Variants in PRDM16 observed in about 807,000 individuals in gnomAD.
The protein encoded by PRDM16 is histone-lysine N-methyltransferase PRDM16.
In PRDM16, 23 loss-of-function variants were observed where a neutral mutation model predicts 110.6. The ratio of observed to expected loss-of-function variants is 0.21; its 90% CI spans 0.15 to 0.29. The LOEUF is 0.29. Among genes scored for constraint, PRDM16 ranks in the 10% least tolerant of loss-of-function variants. PRDM16 has a pLI of 1.00. For synonymous variants in PRDM16, 799 were observed against 781.8 expected (o/e 1.02, Z -0.37); for missense variants, 1,615 against 1,794.3 (o/e 0.90, Z 1.81).
chr1:3,371,061 C>T (rs1459809677), intron 3 of PRDM16, among the ~76,000 whole-genome samples: 1 of 151,614 alleles, frequency 6.6e-6, no homozygotes, highest in Non-Finnish European at 1.5e-5. Flanking sequence ...TCCACCCACC[C>T]ATCCACCATC....
intron 1 of PRDM16, among the ~76,000 whole-genome samples, chr1:3,181,157 T>TAC (rs1283718823): frequency 4.8e-4 from 58 of 121,622 alleles, no homozygotes; most frequent in Non-Finnish European, 6.6e-4. Flanking sequence ...CACGCAGTCT[T>TAC]ACACGCGGTC....
At chr1:3,256,735 T>TAGTCC (rs991742944) in intron 3 of PRDM16, among the ~76,000 whole-genome samples, 1 of 152,092 alleles carries the variant, frequency 6.6e-6, no homozygotes, top group Non-Finnish European at 1.5e-5. Context: ...CGGGCGCCTG[T>TAGTCC]AGTCCCAGCT....
chr1:3,211,149 A>G (rs1054304527), intron 2 of PRDM16, among the ~76,000 whole-genome samples: 3 of 152,170 alleles, frequency 2.0e-5, no homozygotes, highest in Non-Finnish European at 4.4e-5. Flanking sequence ...CTCCTCCTTC[A>G]TTAGACATCT....
intron 1 of PRDM16, among the ~76,000 whole-genome samples, chr1:3,111,494 G>A (rs1452158719): frequency 3.1e-4 from 1 of 3,196 alleles, no homozygotes; most frequent in Non-Finnish European, 8.4e-4. Context: ...AGGAGGCCTC[G>A]AAGAGGGAAG....
At chr1:3,154,096 C>A (rs1189138007) in intron 1 of PRDM16, among the ~76,000 whole-genome samples, 2 of 152,186 alleles carry the variant, frequency 1.3e-5, no homozygotes, top group East Asian at 1.9e-4. Flanking sequence ...AGTTTCTGAT[C>A]TTAGAGCTGC....
intron 5 of PRDM16, among the ~76,000 whole-genome samples, chr1:3,397,882 G>C (rs1291804680): frequency 6.6e-6 from 1 of 152,192 alleles, no homozygotes; most frequent in African/African-American, 2.4e-5. Flanking sequence ...CCATCACCGA[G>C]CGTGGCCCAG....
chr1:3,386,255 TC>T (rs1643196570), intron 4 of PRDM16, among the ~76,000 whole-genome samples: 1 of 151,218 alleles, frequency 6.6e-6, no homozygotes, highest in Admixed American at 6.6e-5. Context: ...AAGAAAAGGA[TC>T]CCATGGCTGT....
intron 12 of PRDM16, among the ~76,000 whole-genome samples, chr1:3,422,426 AG>A (rs1638466297): frequency 6.6e-6 from 1 of 152,216 alleles, no homozygotes; most frequent in Non-Finnish European, 1.5e-5. Flanking sequence ...AACATGCCAG[AG>A]GGGCACATGG....
chr1:3,187,266 C>T (rs1242026022), intron 2 of PRDM16, among the ~76,000 whole-genome samples: 1 of 152,224 alleles, frequency 6.6e-6, no homozygotes, highest in East Asian at 1.9e-4. Context: ...TTCTGCCGGC[C>T]TCACGCAGCC....
Position 3,382,396 on chromosome 1 carries a change from TGCAG to T in PRDM16, c.439-2755_439-2752del, listed in dbSNP as rs1421742534. Among the ~76,000 whole-genome samples the T allele has an allele frequency of 4.6e-5, 7 of 152,234 alleles. No homozygotes were observed. The highest frequency in any genetic ancestry group is 3.3e-4 in the Admixed American group (5 of 15,290). On this transcript the variant is annotated intron_variant, in intron 3 of 16. Coordinates refer to ENST00000270722, the MANE Select transcript of PRDM16 (RefSeq NM_022114.4). This position sits in a 1 kb window ranked among gnomAD's most constrained non-coding sequence, Gnocchi z 6.6. ...CCCTGGACAGCGTGAGGACCCTTCC[TGCAG>T]CCCCTTTAGGGACCAGGACCTCAAA...
intron 1 of PRDM16, among the ~76,000 whole-genome samples, chr1:3,120,944 C>G (rs563522106): frequency 3.3e-5 from 5 of 152,338 alleles, no homozygotes; most frequent in Non-Finnish European, 7.3e-5. Flanking sequence ...GTCTGAATGT[C>G]TGAGGGACCT....
At chr1:3,323,632 C>T (rs1224335914) in intron 3 of PRDM16, among the ~76,000 whole-genome samples, 2 of 152,222 alleles carry the variant, frequency 1.3e-5, no homozygotes, top group African/African-American at 2.4e-5. Context: ...TGGAAACCCA[C>T]GTGTGCAGTC....
At chr1:3,303,514 C>T (rs1218243996) in intron 3 of PRDM16, among the ~76,000 whole-genome samples, 4 of 152,176 alleles carry the variant, frequency 2.6e-5, no homozygotes, top group Admixed American at 6.5e-5. Flanking sequence ...GGAAGAGTGC[C>T]GTGGTGACCG....
chr1:3,096,090 CCTGT>C (rs757517405), intron 1 of PRDM16, among the ~76,000 whole-genome samples: 3 of 152,096 alleles, frequency 2.0e-5, no homozygotes, highest in South Asian at 2.1e-4. Flanking sequence ...GGCCCTGGTG[CCTGT>C]CTATTTGGGG....
At chr1:3,073,326 TG>T (rs1474026178) in intron 1 of PRDM16, among the ~76,000 whole-genome samples, 1 of 152,222 alleles carries the variant, frequency 6.6e-6, no homozygotes, top group Non-Finnish European at 1.5e-5. Context: ...TAGGGATCCT[TG>T]GGGGGCTTGG....
intron 8 of PRDM16, among the ~76,000 whole-genome samples, chr1:3,409,184 C>CGT (rs146991767): frequency 1.4e-5 from 2 of 143,534 alleles, no homozygotes; most frequent in African/African-American, 5.2e-5. Flanking sequence ...TGAGTTGGTG[C>CGT]GTGTGTGTGT....
intron 2 of PRDM16, among the ~76,000 whole-genome samples, chr1:3,194,203 G>C (rs1569817326): frequency 6.6e-6 from 1 of 152,198 alleles, no homozygotes; most frequent in Admixed American, 6.5e-5. Flanking sequence ...CACACTGGGG[G>C]GCTATTTAGG....
At chr1:3,345,743 T>G (rs1642349116) in intron 3 of PRDM16, among the ~76,000 whole-genome samples, 1 of 124,692 alleles carries the variant, frequency 8.0e-6, no homozygotes, top group African/African-American at 3.2e-5. Flanking sequence ...GCCCCCTCTG[T>G]GGTCCAGGCC....
At position 3,359,813 on chromosome 1, in the gene PRDM16, C is replaced by T. The variant is rs1304899442; in HGVS notation, c.439-25339C>T. The stretch of plus-strand genomic sequence containing the variant: ...AACGAGCCTGGCCTGAAACCACGCC[C>T]GTGCTCAAAGTGATGTTTACTTAGA... On this transcript the variant is annotated intron_variant, in intron 3 of 16. Coordinates refer to ENST00000270722, the MANE Select transcript of PRDM16 (RefSeq NM_022114.4). The surrounding 1 kb of genome is among the most constrained non-coding windows in gnomAD (Gnocchi z 4.3). Among the ~76,000 whole-genome samples the T allele has an allele frequency of 1.3e-5, 2 of 148,200 alleles. No individual in the cohort carries two copies. Among genetic ancestry groups the T allele is most frequent in the African/African-American group, 5.3e-5 (2 of 37,712 alleles).
Sources: allele counts gnomAD v4.1 joint callset (sites outside exome capture counted in the v4.1 genomes callset), GRCh38; gene constraint gnomAD v4.1.1; non-coding constraint Gnocchi (gnomAD v3.1); transcripts MANE v1.5; gene names NCBI Gene and HGNC (gene_info 2026-07-23, HGNC 2026-07-21).